SNRNP200: variants seen among roughly 807,000 people sequenced by gnomAD.
SNRNP200 encodes small nuclear ribonucleoprotein U5 subunit 200.
SNRNP200 carries 66 observed loss-of-function variants against 255.2 expected under a neutral mutation model. The observed-to-expected ratio is 0.26, with a 90% CI of 0.21 to 0.32. The LOEUF (loss-of-function observed/expected upper bound fraction) is 0.32. SNRNP200 is among the 10% of genes least tolerant of loss of function. The probability of loss-of-function intolerance (pLI) is 1.00; values close to 1 mark genes in which losing one functional copy is unlikely to be tolerated. For synonymous variants in SNRNP200, 939 were observed against 1,027.8 expected, an observed-to-expected ratio of 0.91 and a Z score of 1.65; for missense variants, 1,585 against 2,749.8, an observed-to-expected ratio of 0.58 and a Z score of 9.47.
At chr2:96,284,842 C>G in intron 30 of SNRNP200, 3 of 536,718 alleles carry the variant, frequency 5.6e-6, no homozygotes, top group East Asian at 3.4e-5. Context: ...CTCCGCCTCC[C>G]GGGTTCAAGC....
Position 96,295,674 on chromosome 2 carries a change from T to G in SNRNP200, c.1672-16A>C, listed in dbSNP as rs549815027. The G allele has an allele frequency of 2.5e-6, 4 of 1,612,684 alleles. No homozygotes were observed. The highest frequency in any genetic ancestry group is 2.2e-5 in the South Asian group (2 of 91,008). ...TGGCCAGGCGCTGTGGGAGGAAAAC[T>G]ACATCAGGCAGGAATGCTTGAAGGG... On this transcript the variant is annotated splice_polypyrimidine_tract_variant and intron_variant, in intron 13 of 44. Coordinates refer to ENST00000323853, the MANE Select transcript of SNRNP200 (RefSeq NM_014014.5).
At position 96,289,224 on chromosome 2, in the gene SNRNP200, C is replaced by T; in HGVS notation, c.3093+3G>A. 1 of 1,614,252 alleles carries T rather than the reference C, an allele frequency of 6.2e-7. No individual in the cohort carries two copies. Among genetic ancestry groups the T allele is most frequent in the East Asian group, 2.2e-5 (1 of 44,888 alleles). On this transcript the variant is annotated splice_donor_region_variant and intron_variant, in intron 22 of 44. Transcript: ENST00000323853. ...CCCGCCCCATCATGCTGCATAGGCTCACCTCTCTCACTGTGATGTTCTTGA... is the reference window on the plus strand; with the variant it reads ...CCCGCCCCATCATGCTGCATAGGCTTACCTCTCTCACTGTGATGTTCTTGA...
intron 30 of SNRNP200, chr2:96,284,889 A>G: frequency 1.9e-6 from 1 of 525,984 alleles, no homozygotes; most frequent in South Asian, 2.0e-5. Context: ...AGCTGGGATT[A>G]CAGGCGCACA....
In SNRNP200 at chr2:96,289,114, C is replaced by T. The variant is rs1411783416; in HGVS notation, c.3097G>A (p.Glu1033Lys). 1.9e-6 allele frequency: 3 copies of T among 1,613,756 alleles called. No homozygotes were observed. The highest frequency in any genetic ancestry group is 1.1e-5 in the South Asian group (1 of 90,946). The change falls in exon 23 of 45, where the codon GAG becomes AAG. Residue 1033 changes from glutamate to lysine, a missense_variant. Transcript: ENST00000323853. ...EFKNITVREE[E>K]KLELQKLLER... ...AGCAACTTCTGCAGCTCCAGCTTCTCCTCCTGCCACAAGGAGGAAAAGGTC... is the reference window on the plus strand; with the variant it reads ...AGCAACTTCTGCAGCTCCAGCTTCTTCTCCTGCCACAAGGAGGAAAAGGTC...
chr2:96,287,622 T>C lies in SNRNP200; in HGVS notation c.3366-65A>G, dbSNP rs1004027481. ...GGGATGTGACAAACCACCCACTTCA[T>C]GGCTTCCAATAGTTTAGCAGTGACT... On this transcript the variant is annotated intron_variant, in intron 25 of 44. Transcript: ENST00000323853. The surrounding 1 kb of genome is among the most constrained non-coding windows in gnomAD (Gnocchi z 5.7). 1 of 1,198,738 alleles carries C rather than the reference T, an allele frequency of 8.3e-7. No individual in the cohort carries two copies. Among genetic ancestry groups the C allele is most frequent in the African/African-American group, 1.5e-5 (1 of 66,892 alleles). The allele number at this position is 1,198,738 out of a possible 1,614,324, so 74.3% of individuals were successfully genotyped here.
rs1261966043 is a variant in SNRNP200, at chr2:96,275,257, C to T, written c.6267G>A (p.Lys2089=). The change falls in exon 44 of 45, where the codon AAG becomes AAA. Residue 2089 remains lysine (K), a splice_region_variant and synonymous_variant. Coordinates refer to ENST00000323853, the MANE Select transcript of SNRNP200 (RefSeq NM_014014.5). Reference sequence around the variant, plus strand: ...TGCTAGGGCCAGTGGACACACTCACCTTGGCCTTCTGCTGCAAGGTCAGCC... The same window carrying T: ...TGCTAGGGCCAGTGGACACACTCACTTTGGCCTTCTGCTGCAAGGTCAGCC... ...IKRLTLQQKA[K]VKLDFVAPAT... is the part of the protein sequence containing the mutation. 4.3e-6 allele frequency: 7 copies of T among 1,614,188 alleles called. No homozygotes were observed. Among genetic ancestry groups the T allele is most frequent in the Middle Eastern group, 1.7e-4 (1 of 6,060 alleles).
chr2:96,290,349 G>A lies in SNRNP200; in HGVS notation c.2719C>T (p.Leu907=). 6.2e-7 allele frequency: 1 copy of A among 1,614,076 alleles called. No homozygotes were observed. Among genetic ancestry groups the A allele is most frequent in the Non-Finnish European group, 8.5e-7 (1 of 1,180,028 alleles). Residue 907 remains leucine (L), a synonymous_variant, in exon 20 of 45, where the codon CTA becomes TTA. Transcript: ENST00000323853. This position sits in a 1 kb window ranked among gnomAD's most constrained non-coding sequence, Gnocchi z 4.5. The stretch of plus-strand genomic sequence containing the variant: ...ACCTTGGCATTCTGGACATTTCCTA[G>A]CACGATTTCTGCATTGAGCATGTCA... ...LPDMLNAEIV[L]GNVQNAKDAV...
Position 96,274,872 on chromosome 2 carries a change from AG to A in SNRNP200, c.*139del. 1 of 874,952 alleles carries A rather than the reference AG, an allele frequency of 1.1e-6. No individual in the cohort carries two copies. Among genetic ancestry groups the A allele is most frequent in the Non-Finnish European group, 1.9e-6 (1 of 521,734 alleles). 54.2% of individuals were successfully genotyped at this position (874,952 alleles called of 1,614,324 possible). ...AGAGTGAGCAAGGGAAAGGAAGTGGAGGTAGGCGGGGACAGCACCAGCCCTG... is the reference window on the plus strand; with the variant it reads ...AGAGTGAGCAAGGGAAAGGAAGTGGAGTAGGCGGGGACAGCACCAGCCCTG... On this transcript the variant is annotated 3_prime_UTR_variant, in exon 45 of 45. Transcript: ENST00000323853.
chr2:96,296,667 G>A lies in SNRNP200; in HGVS notation c.1540C>T (p.Leu514=). ...CCAATCTCTCGGAGCATGCACATCA[G>A]GGCCACGTTGGTCTTCCCAGCACCC... ...PTGAGKTNVA[L]MCMLREIGKH... The change falls in exon 13 of 45, where the codon CTG becomes TTG. Residue 514 remains leucine (L), a synonymous_variant. Coordinates refer to ENST00000323853, the MANE Select transcript of SNRNP200 (RefSeq NM_014014.5). 6.2e-7 allele frequency: 1 copy of A among 1,614,168 alleles called. No individual in the cohort carries two copies. The highest frequency in any genetic ancestry group is 1.3e-5 in the African/African-American group (1 of 75,030).
intron 43 of SNRNP200, 22 bp from the exon 44 acceptor site, chr2:96,275,371 A>G (rs181421509): frequency 6.1e-5 from 98 of 1,607,480 alleles, no homozygotes; most frequent in Admixed American, 2.8e-4. Context: ...CAAAACCAAG[A>G]ATTTCAGCAT....
chr2:96,283,185 C>T lies in SNRNP200; in HGVS notation c.4915+16G>A. On this transcript the variant is annotated intron_variant, in intron 34 of 44. Coordinates refer to ENST00000323853, the MANE Select transcript of SNRNP200 (RefSeq NM_014014.5). The surrounding 1 kb of genome is among the most constrained non-coding windows in gnomAD (Gnocchi z 4.7). ...GTGATACCCTTGCTATGCTCCCCTT[C>T]CGTGGCCTGACTTACCTGAGCTGAA... 3 of 1,613,870 alleles carry T rather than the reference C, an allele frequency of 1.9e-6. No homozygotes were observed. Among genetic ancestry groups the T allele is most frequent in the Non-Finnish European group, 2.5e-6 (3 of 1,180,038 alleles).
chr2:96,300,951 TAATC>T (rs2104362241), intron 5 of SNRNP200, 43 bp downstream of exon 5: 2 of 1,535,504 alleles, frequency 1.3e-6, no homozygotes, highest in Non-Finnish European at 1.8e-6. Flanking sequence ...CCCTTTACCT[TAATC>T]AACGTCAAAA....
At chr2:96,300,779 T>C (rs1014810624) in intron 5 of SNRNP200, among the ~76,000 whole-genome samples, 2 of 152,066 alleles carry the variant, frequency 1.3e-5, no homozygotes, top group Non-Finnish European at 2.9e-5. Flanking sequence ...AAAAAAATTA[T>C]ATTGCTTTAC....
chr2:96,295,686 G>A (rs747589790), intron 13 of SNRNP200, 28 bp from the exon 14 acceptor site: 2 of 1,610,832 alleles, frequency 1.2e-6, no homozygotes, highest in East Asian at 2.2e-5. Context: ...CATCAGGCAG[G>A]AATGCTTGAA....
chr2:96,289,934 G>C lies in SNRNP200; in HGVS notation c.2805C>G (p.Leu935=). 6.2e-7 allele frequency: 1 copy of C among 1,614,172 alleles called. No homozygotes were observed. The change falls in exon 21 of 45, where the codon CTC becomes CTG. Residue 935 remains leucine (L), a synonymous_variant. Transcript: ENST00000323853. ...LYIRMLRSPT[L]YGISHDDLKG... ...TGAGGTCATCATGAGAGATGCCATA[G>C]AGGGTTGGGGATCGCAGCATTCGGA...
chr2:96,293,638 A>G, intron 14 of SNRNP200, 129 bp from the exon 15 acceptor site: 1 of 776,528 alleles, frequency 1.3e-6, no homozygotes, highest in Non-Finnish European at 2.1e-6. Context: ...CCCAAGCCAC[A>G]GATGCCCAAA....
Position 96,290,957 on chromosome 2 carries a change from G to T in SNRNP200, c.2422-142C>A. On this transcript the variant is annotated intron_variant, in intron 18 of 44. Coordinates refer to ENST00000323853, the MANE Select transcript of SNRNP200 (RefSeq NM_014014.5). This position sits in a 1 kb window ranked among gnomAD's most constrained non-coding sequence, Gnocchi z 4.5. ...GTGGGGTCCCAGTACTTGTCAATGTGACACCAGAATAAAGAGGAAAGGTTT... is the reference window on the plus strand; with the variant it reads ...GTGGGGTCCCAGTACTTGTCAATGTTACACCAGAATAAAGAGGAAAGGTTT... 1 of 885,432 alleles carries T rather than the reference G, an allele frequency of 1.1e-6. No individual in the cohort carries two copies. Among genetic ancestry groups the T allele is most frequent in the African/African-American group, 1.7e-5 (1 of 60,232 alleles). The allele number at this position is 885,432 out of a possible 1,614,324, so 54.8% of individuals were successfully genotyped here.
chr2:96,303,814 C>T (rs1284176841), intron 2 of SNRNP200, among the ~76,000 whole-genome samples: 2 of 149,628 alleles, frequency 1.3e-5, no homozygotes, highest in African/African-American at 2.5e-5. Flanking sequence ...CGCTTGAACC[C>T]GGGAGGTGGA....
chr2:96,287,419 G>A lies in SNRNP200; in HGVS notation c.3484+20C>T, dbSNP rs774089274. ...GAGACACCCAGGCAGTGAGGACAAG[G>A]GCGAGAGCATCCCACACACCAATCT... On this transcript the variant is annotated intron_variant, in intron 26 of 44. Coordinates refer to ENST00000323853, the MANE Select transcript of SNRNP200 (RefSeq NM_014014.5). The surrounding 1 kb of genome is among the most constrained non-coding windows in gnomAD (Gnocchi z 5.7). 1 of 1,548,894 alleles carries A rather than the reference G, an allele frequency of 6.5e-7. No individual in the cohort carries two copies. The highest frequency in any genetic ancestry group is 8.9e-7 in the Non-Finnish European group (1 of 1,120,582).
Sources: allele counts gnomAD v4.1 joint callset (sites outside exome capture counted in the v4.1 genomes callset), GRCh38; gene constraint gnomAD v4.1.1; non-coding constraint Gnocchi (gnomAD v3.1); transcripts MANE v1.5; gene names NCBI Gene and HGNC (gene_info 2026-07-23, HGNC 2026-07-21).